The following GRIK1 variants were observed in gnomAD, a reference collection of about 807,000 sequenced individuals.
GRIK1 encodes glutamate ionotropic receptor kainate type subunit 1, also known as glutamate receptor ionotropic, kainate 1.
Under a neutral mutation model 105.7 loss-of-function variants are expected in GRIK1, and 69 were observed. The ratio of observed to expected loss-of-function variants is 0.65; its 90% CI spans 0.54 to 0.80. The LOEUF (loss-of-function observed/expected upper bound fraction) is 0.80. GRIK1 is among the 30% of genes least tolerant of loss of function. The probability of loss-of-function intolerance (pLI) is 0.00; values close to 1 mark genes in which losing one functional copy is unlikely to be tolerated. For missense variants in GRIK1, 1,109 were observed against 1,167.3 expected, an observed-to-expected ratio of 0.95 and a Z score of 0.73; for synonymous variants, 438 against 431.3, an observed-to-expected ratio of 1.02 and a Z score of -0.19.
At chr21:29,717,114 C>G (rs1454272464) in intron 1 of GRIK1, among the ~76,000 whole-genome samples, 1 of 152,218 alleles carries the variant, frequency 6.6e-6, no homozygotes, top group African/African-American at 2.4e-5. Flanking sequence ...GCACAGATGT[C>G]AAGAATGAAG....
chr21:29,842,150 C>T (rs979911648), intron 1 of GRIK1, among the ~76,000 whole-genome samples: 1 of 151,960 alleles, frequency 6.6e-6, no homozygotes, highest in Non-Finnish European at 1.5e-5. Context: ...ATAAATACGC[C>T]GTTTTGAATC....
At chr21:29,817,338 G>A (rs753669004) in intron 1 of GRIK1, among the ~76,000 whole-genome samples, 5 of 151,944 alleles carry the variant, frequency 3.3e-5, no homozygotes, top group East Asian at 1.9e-4. Context: ...AAAGTACAGC[G>A]TCTTTTAAAT....
chr21:29,663,443 G>T (rs540685317), intron 4 of GRIK1, among the ~76,000 whole-genome samples: 1 of 152,184 alleles, frequency 6.6e-6, no homozygotes, highest in Non-Finnish European at 1.5e-5. Flanking sequence ...CCAGGGACTA[G>T]GAGGTGCTTA....
At chr21:29,848,779 A>ATATATATATATATATATATATATATT in intron 1 of GRIK1, among the ~76,000 whole-genome samples, 19 of 77,854 alleles carry the variant, frequency 2.4e-4, no homozygotes, top group African/African-American at 9.9e-4. Context: ...ATATATATAT[A>ATATATATATATATATATATATATATT]TTTTTTTTTT....
chr21:29,643,909 T>C (rs11910336), intron 6 of GRIK1, among the ~76,000 whole-genome samples: 42,439 of 150,456 alleles, frequency 0.28, 5,917 homozygotes, highest in African/African-American at 0.31. Flanking sequence ...GGCACACACA[T>C]GCACACACAC....
intron 7 of GRIK1, among the ~76,000 whole-genome samples, chr21:29,633,231 G>A (rs909996315): frequency 6.7e-6 from 1 of 148,930 alleles, no homozygotes; most frequent in African/African-American, 2.5e-5. Flanking sequence ...GGCTGGGCAC[G>A]TGGCTTACGC....
At chr21:29,878,461 G>T (rs2069274376) in intron 1 of GRIK1, among the ~76,000 whole-genome samples, 1 of 152,128 alleles carries the variant, frequency 6.6e-6, no homozygotes, top group African/African-American at 2.4e-5. Flanking sequence ...CTGGAATGGG[G>T]ATGAAAGGAG....
intron 4 of GRIK1, among the ~76,000 whole-genome samples, chr21:29,656,895 A>G (rs1263420984): frequency 6.6e-6 from 1 of 152,246 alleles, no homozygotes; most frequent in Non-Finnish European, 1.5e-5. Flanking sequence ...GACAAATGAC[A>G]GGAAACTCCA....
chr21:29,765,397 T>C (rs2065633786), intron 1 of GRIK1, among the ~76,000 whole-genome samples: 1 of 152,172 alleles, frequency 6.6e-6, no homozygotes, highest in South Asian at 2.1e-4. Context: ...TTATTTTTAT[T>C]TTTCCACCTT....
intron 1 of GRIK1, among the ~76,000 whole-genome samples, chr21:29,756,398 G>A (rs1379327339): frequency 1.3e-5 from 2 of 152,042 alleles, no homozygotes; most frequent in African/African-American, 4.8e-5. Flanking sequence ...AAAAAATAAT[G>A]ACAATAATAA....
At chr21:29,695,439 T>A (rs1277892864) in intron 1 of GRIK1, among the ~76,000 whole-genome samples, 1 of 124,068 alleles carries the variant, frequency 8.1e-6, no homozygotes, top group African/African-American at 3.2e-5. Context: ...TATATCAATA[T>A]CTATCTATCT....
At chr21:29,818,310 C>G (rs2067207079) in intron 1 of GRIK1, among the ~76,000 whole-genome samples, 1 of 152,054 alleles carries the variant, frequency 6.6e-6, no homozygotes, top group South Asian at 2.1e-4. Context: ...TCAGACATAT[C>G]AAAAATCACA....
chr21:29,859,005 A>G (rs1045130385), intron 1 of GRIK1, among the ~76,000 whole-genome samples: 6 of 151,198 alleles, frequency 4.0e-5, no homozygotes, highest in Non-Finnish European at 5.9e-5. Context: ...CAGAACTCAC[A>G]TATACACCAT....
At chr21:29,845,848 G>A (rs1170775734) in intron 1 of GRIK1, among the ~76,000 whole-genome samples, 1 of 152,152 alleles carries the variant, frequency 6.6e-6, no homozygotes, top group Non-Finnish European at 1.5e-5. Flanking sequence ...TAGGAAGTGA[G>A]TGGCAAGAGA....
chr21:29,759,021 C>T, intron 1 of GRIK1: 1 of 153,386 alleles, frequency 6.5e-6, no homozygotes. Flanking sequence ...GTAGGTAAGT[C>T]CCGATTAAGT....
intron 1 of GRIK1, among the ~76,000 whole-genome samples, chr21:29,721,864 C>T (rs558402624): frequency 2.0e-5 from 3 of 152,284 alleles, no homozygotes; most frequent in Admixed American, 6.5e-5. Flanking sequence ...CTCTAAATGT[C>T]CATGCCTTCC....
chr21:29,816,231 CA>C (rs1175559220), intron 1 of GRIK1, among the ~76,000 whole-genome samples: 1 of 151,890 alleles, frequency 6.6e-6, no homozygotes, highest in African/African-American at 2.4e-5. Flanking sequence ...AAATACTAAT[CA>C]AAACCACAAT....
Position 29,711,599 on chromosome 21 carries a change from C to T in GRIK1, c.119-17536G>A, listed in dbSNP as rs181235031. On this transcript the variant is annotated intron_variant, in intron 1 of 17. Transcript: ENST00000327783. ...ATGTGACTTTTATGGGTCTCTGCTT[C>T]CATGCAATCTATACTTTCTGTCATT... Among the ~76,000 whole-genome samples the T allele has an allele frequency of 5.0e-3, 762 of 152,104 alleles. 3 individuals carry two copies. Among genetic ancestry groups the T allele is most frequent in the Non-Finnish European group, 8.5e-3 (581 of 67,990 alleles).
intron 1 of GRIK1, among the ~76,000 whole-genome samples, chr21:29,867,001 A>C (rs2068824751): frequency 6.6e-6 from 1 of 152,240 alleles, no homozygotes; most frequent in Admixed American, 6.5e-5. Context: ...TGGATGGTCA[A>C]TAGATTTGTA....
Sources: allele counts gnomAD v4.1 joint callset (sites outside exome capture counted in the v4.1 genomes callset), GRCh38; gene constraint gnomAD v4.1.1; transcripts MANE v1.5; gene names NCBI Gene and HGNC (gene_info 2026-07-23, HGNC 2026-07-21).